PCDH9: variants seen among roughly 807,000 people sequenced by gnomAD.
PCDH9 encodes the protein protocadherin 9, also known as protocadherin-9.
In PCDH9, 24 loss-of-function variants were observed where a neutral mutation model predicts 70.6. The ratio of observed to expected loss-of-function variants is 0.34; its 90% CI spans 0.25 to 0.48. The LOEUF (loss-of-function observed/expected upper bound fraction) is 0.48, where lower values mean the gene tolerates loss of function less well. Among genes scored for constraint, PCDH9 ranks in the 20% least tolerant of loss-of-function variants. PCDH9 has a pLI of 0.99. For missense variants in PCDH9, 1,281 were observed against 1,503.6 expected, an observed-to-expected ratio of 0.85 and a Z score of 2.45; for synonymous variants, 562 against 558.5, an observed-to-expected ratio of 1.01 and a Z score of -0.09.
chr13:66,793,699 A>T (rs1049117430), intron 3 of PCDH9, among the ~76,000 whole-genome samples: 2 of 152,220 alleles, frequency 1.3e-5, no homozygotes, highest in African/African-American at 2.4e-5. Context: ...AAAAAAGAGT[A>T]TAAGGCATTG....
chr13:66,469,518 G>A lies in PCDH9; in HGVS notation c.3340+161692C>T, dbSNP rs1958577199. Reference sequence around the variant, plus strand: ...GGAGGGAAGAAGGAAGGGAGGGAGGGAATAACTTCAAATTGTAACCAAATG... The same window carrying A: ...GGAGGGAAGAAGGAAGGGAGGGAGGAAATAACTTCAAATTGTAACCAAATG... On this transcript the variant is annotated intron_variant, in intron 4 of 4. Transcript: ENST00000377865. Among the ~76,000 whole-genome samples the A allele has an allele frequency of 2.7e-5, 4 of 149,078 alleles. No individual in the cohort carries two copies. The South Asian group carries it at 8.8e-4, about 33-fold the overall frequency.
intron 4 of PCDH9, among the ~76,000 whole-genome samples, chr13:66,528,305 C>T (rs995285327): frequency 1.3e-5 from 2 of 152,084 alleles, no homozygotes; most frequent in East Asian, 1.9e-4. Flanking sequence ...CTTCCATTAC[C>T]GACCTGGCAT....
At chr13:66,386,758 G>A (rs1320007031) in intron 4 of PCDH9, among the ~76,000 whole-genome samples, 1 of 152,000 alleles carries the variant, frequency 6.6e-6, no homozygotes, top group Non-Finnish European at 1.5e-5. Context: ...GTGTTACATG[G>A]CAACAGCCTT....
chr13:66,486,529 G>A (rs1443950163), intron 4 of PCDH9, among the ~76,000 whole-genome samples: 1 of 151,726 alleles, frequency 6.6e-6, no homozygotes, highest in Non-Finnish European at 1.5e-5. Flanking sequence ...CCAGCTACTT[G>A]GTAGACTGAG....
chr13:66,651,816 C>T (rs2077855986), intron 3 of PCDH9, among the ~76,000 whole-genome samples: 1 of 151,914 alleles, frequency 6.6e-6, no homozygotes, highest in African/African-American at 2.4e-5. Flanking sequence ...CTCATTATGA[C>T]CCAGTGAGAT....
At chr13:66,614,703 T>C (rs1352847655) in intron 4 of PCDH9, among the ~76,000 whole-genome samples, 1 of 152,232 alleles carries the variant, frequency 6.6e-6, no homozygotes, top group African/African-American at 2.4e-5. Flanking sequence ...TGTTCCCTGG[T>C]GCCATAAAGA....
At chr13:66,977,737 G>T (rs571620665) in intron 2 of PCDH9, among the ~76,000 whole-genome samples, 1 of 152,074 alleles carries the variant, frequency 6.6e-6, no homozygotes, top group Non-Finnish European at 1.5e-5. Flanking sequence ...GAGTACTTCA[G>T]ATCATCCTAA....
chr13:67,187,579 C>G (rs1216097906), intron 2 of PCDH9, among the ~76,000 whole-genome samples: 1 of 152,000 alleles, frequency 6.6e-6, no homozygotes, highest in Non-Finnish European at 1.5e-5. Flanking sequence ...CAACTCTATA[C>G]CTAAATATGC....
At chr13:66,439,431 C>T (rs1771906908) in intron 4 of PCDH9, among the ~76,000 whole-genome samples, 1 of 152,088 alleles carries the variant, frequency 6.6e-6, no homozygotes, top group Non-Finnish European at 1.5e-5. Flanking sequence ...GAGTAGATTT[C>T]AGATGTTCTC....
At chr13:66,775,022 G>A (rs995228855) in intron 3 of PCDH9, among the ~76,000 whole-genome samples, 1 of 152,130 alleles carries the variant, frequency 6.6e-6, no homozygotes, top group East Asian at 1.9e-4. Flanking sequence ...TGATGATTAA[G>A]TTCCCATTTT....
intron 4 of PCDH9, among the ~76,000 whole-genome samples, chr13:66,617,990 C>A (rs1024765627): frequency 1.3e-5 from 2 of 152,132 alleles, no homozygotes; most frequent in African/African-American, 4.8e-5. Flanking sequence ...CTCTAGCCAG[C>A]CTGCGCACTG....
chr13:66,966,630 C>T (rs2139737617), intron 2 of PCDH9, among the ~76,000 whole-genome samples: 1 of 152,178 alleles, frequency 6.6e-6, no homozygotes, highest in African/African-American at 2.4e-5. Context: ...ATGTTTGCTA[C>T]AAATTTCTAT....
intron 4 of PCDH9, among the ~76,000 whole-genome samples, chr13:66,600,764 A>ATGTG (rs2077155804): frequency 1.9e-5 from 1 of 51,320 alleles, no homozygotes; most frequent in Non-Finnish European, 5.0e-5. Flanking sequence ...CTAATTAAGA[A>ATGTG]CGTGTGTGTG....
At chr13:67,078,288 C>G (rs2085917927) in intron 2 of PCDH9, among the ~76,000 whole-genome samples, 1 of 152,160 alleles carries the variant, frequency 6.6e-6, no homozygotes, top group South Asian at 2.1e-4. Context: ...TTTCTTAGAC[C>G]TGCACTTAGT....
At chr13:66,592,273 C>G (rs2077048013) in intron 4 of PCDH9, among the ~76,000 whole-genome samples, 1 of 151,640 alleles carries the variant, frequency 6.6e-6, no homozygotes, top group Admixed American at 6.6e-5. Context: ...GGGCAGGATA[C>G]ATGATCAATC....
At chr13:66,922,824 T>C (rs1000805208) in intron 2 of PCDH9, among the ~76,000 whole-genome samples, 1 of 151,546 alleles carries the variant, frequency 6.6e-6, no homozygotes, top group East Asian at 1.9e-4. Context: ...TGTATACAAC[T>C]TGGAAAAATG....
chr13:66,670,782 T>C (rs958075828), intron 3 of PCDH9, among the ~76,000 whole-genome samples: 2 of 152,054 alleles, frequency 1.3e-5, no homozygotes, highest in Non-Finnish European at 2.9e-5. Flanking sequence ...GATTGAAATG[T>C]GTTCCCCCAG....
chr13:66,988,229 G>A (rs911127433), intron 2 of PCDH9, among the ~76,000 whole-genome samples: 17 of 151,988 alleles, frequency 1.1e-4, no homozygotes, highest in Non-Finnish European at 2.9e-5. Context: ...ATATTTCTTA[G>A]TTAATTGAGG....
intron 3 of PCDH9, among the ~76,000 whole-genome samples, chr13:66,838,672 C>T (rs1418231959): frequency 2.6e-5 from 4 of 151,760 alleles, no homozygotes; most frequent in African/African-American, 7.3e-5. Context: ...ATATTACAGT[C>T]GAAATAAAAT....
Sources: allele counts gnomAD v4.1 joint callset (sites outside exome capture counted in the v4.1 genomes callset), GRCh38; gene constraint gnomAD v4.1.1; transcripts MANE v1.5; gene names NCBI Gene and HGNC (gene_info 2026-07-23, HGNC 2026-07-21).